The following PRKN variants were observed in gnomAD, a reference collection of about 807,000 sequenced individuals.
The protein encoded by PRKN is parkin RBR E3 ubiquitin protein ligase.
PRKN carries 56 observed loss-of-function variants against 59.5 expected under a neutral mutation model. The observed-to-expected ratio is 0.94, with a 90% confidence interval of 0.76 to 1.18. The LOEUF is 1.18. Among genes scored for constraint, PRKN ranks in the 50% most tolerant of loss-of-function variants. The pLI is 0.00. For missense variants in PRKN, 657 were observed against 596.4 expected, an observed-to-expected ratio of 1.10 and a Z score of -1.06; for synonymous variants, 250 against 222.1, an observed-to-expected ratio of 1.13 and a Z score of -1.12.
chr6:161,664,770 T>C (rs1784665439), intron 7 of PRKN, among the ~76,000 whole-genome samples: 2 of 150,130 alleles, frequency 1.3e-5, no homozygotes, highest in Admixed American at 6.7e-5. Context: ...GCTTATTTTA[T>C]TAAAAACAAC....
intron 5 of PRKN, among the ~76,000 whole-genome samples, chr6:161,980,318 C>A (rs1159316021): frequency 6.6e-6 from 1 of 152,170 alleles, no homozygotes; most frequent in African/African-American, 2.4e-5. Context: ...AAAAAACTAT[C>A]CTTCTCTTGA....
intron 7 of PRKN, among the ~76,000 whole-genome samples, chr6:161,628,710 G>A (rs1210478427): frequency 2.0e-5 from 3 of 152,148 alleles, no homozygotes; most frequent in South Asian, 4.1e-4. Context: ...CCAGAGCTGC[G>A]CCAGCTCTTA....
At chr6:162,229,694 C>T (rs1001854032) in intron 3 of PRKN, among the ~76,000 whole-genome samples, 49 of 152,138 alleles carry the variant, frequency 3.2e-4, no homozygotes, top group Non-Finnish European at 1.0e-4. Context: ...TTGCCATTCC[C>T]TCTTCCTTTC....
chr6:161,412,485 T>C (rs1475138390), intron 9 of PRKN, among the ~76,000 whole-genome samples: 4 of 150,838 alleles, frequency 2.7e-5, no homozygotes, highest in South Asian at 2.1e-4. Flanking sequence ...CACTCACTCA[T>C]TCCTTCCTCA....
chr6:161,477,245 C>T (rs941178519), intron 9 of PRKN, among the ~76,000 whole-genome samples: 14 of 152,108 alleles, frequency 9.2e-5, no homozygotes, highest in African/African-American at 2.2e-4. Flanking sequence ...TGGCCAGGCG[C>T]GGTGGCTCAC....
Position 161,423,569 on chromosome 6 carries a change from A to C in PRKN, c.1084-36692T>G, listed in dbSNP as rs1788199745. 6.6e-6 allele frequency among the ~76,000 whole-genome samples: 1 copy of C among 152,162 alleles called. No homozygotes were observed. The highest frequency in any genetic ancestry group is 1.5e-5 in the Non-Finnish European group (1 of 68,032). Reference sequence around the variant, plus strand: ...ATTTGGGGCCAATGACAAGCAAGACATTTACAGATTTAGATGACTTGTCAA... The same window carrying C: ...ATTTGGGGCCAATGACAAGCAAGACCTTTACAGATTTAGATGACTTGTCAA... On this transcript the variant is annotated intron_variant, in intron 9 of 11. Coordinates refer to ENST00000366898, the MANE Select transcript of PRKN (RefSeq NM_004562.3). The surrounding 1 kb of genome is among the most constrained non-coding windows in gnomAD (Gnocchi z 5.9).
rs187408691 is a variant in PRKN, at chr6:162,070,838, G to C, written c.535-16664C>G. Among the ~76,000 whole-genome samples, 159 of 152,208 alleles carry C rather than the reference G, an allele frequency of 1.0e-3. 1 individual carries two copies. Among genetic ancestry groups the C allele is most frequent in the African/African-American group, 3.7e-3 (152 of 41,546 alleles). On this transcript the variant is annotated intron_variant, in intron 4 of 11. Coordinates refer to ENST00000366898, the MANE Select transcript of PRKN (RefSeq NM_004562.3). The stretch of plus-strand genomic sequence containing the variant: ...GGGCTGTAATGCTCGCTCGCCTACT[G>C]CTTATCTCCTGCTGAGTGGCCTGGT...
At chr6:162,043,547 A>AAGGAG (rs1258595507) in intron 5 of PRKN, among the ~76,000 whole-genome samples, 1 of 152,226 alleles carries the variant, frequency 6.6e-6, no homozygotes, top group Non-Finnish European at 1.5e-5. Context: ...ATGGACATAG[A>AAGGAG]AGGAGAAGGA....
In PRKN at chr6:161,539,022, T is replaced by A. The variant is rs903585218; in HGVS notation, c.1083+9832A>T. On this transcript the variant is annotated intron_variant, in intron 9 of 11. Coordinates refer to ENST00000366898, the MANE Select transcript of PRKN (RefSeq NM_004562.3). ...TCTTCATCATGCCATGAGGCTAACA[T>A]GCGATGTTCTTGGCATGTGCTAGAC... Among the ~76,000 whole-genome samples, 57 of 152,170 alleles carry A rather than the reference T, an allele frequency of 3.7e-4. 1 individual carries two copies. The highest frequency in any genetic ancestry group is 8.8e-5 in the Non-Finnish European group (6 of 68,034).
chr6:162,069,663 G>A (rs1260308918), intron 4 of PRKN, among the ~76,000 whole-genome samples: 2 of 152,138 alleles, frequency 1.3e-5, no homozygotes, highest in African/African-American at 4.8e-5. Flanking sequence ...TCTGCAGAAA[G>A]AAATAGAAGT....
chr6:161,601,509 G>A (rs1782101388), intron 7 of PRKN, among the ~76,000 whole-genome samples: 1 of 151,926 alleles, frequency 6.6e-6, no homozygotes. Context: ...TAAGTATTTG[G>A]TAGAATTCAG....
chr6:162,314,543 G>C (rs1782666004), intron 2 of PRKN, among the ~76,000 whole-genome samples: 1 of 152,016 alleles, frequency 6.6e-6, no homozygotes, highest in South Asian at 2.1e-4. Flanking sequence ...ACATCCCCAG[G>C]AAGACTCATT....
intron 1 of PRKN, among the ~76,000 whole-genome samples, chr6:162,569,921 C>T (rs9365465): frequency 0.31 from 46,736 of 152,102 alleles, 7,641 homozygotes; most frequent in East Asian, 0.49. Flanking sequence ...AACAACTCAA[C>T]TGCTTTTATT....
chr6:161,836,950 T>C (rs1583227473), intron 6 of PRKN, among the ~76,000 whole-genome samples: 1 of 152,290 alleles, frequency 6.6e-6, no homozygotes, highest in Non-Finnish European at 1.5e-5. Context: ...TGGCTCACCT[T>C]GCAAGAGGGG....
chr6:162,576,631 G>A (rs1223220059), intron 1 of PRKN, among the ~76,000 whole-genome samples: 1 of 152,054 alleles, frequency 6.6e-6, no homozygotes, highest in African/African-American at 2.4e-5. Flanking sequence ...GACCAACATG[G>A]TGAAACCCTG....
chr6:162,210,919 T>C (rs377627639), intron 3 of PRKN, among the ~76,000 whole-genome samples: 29 of 152,322 alleles, frequency 1.9e-4, no homozygotes, highest in African/African-American at 5.8e-4. Context: ...CAAAATTTAA[T>C]ATGAATGGCA....
chr6:162,090,769 T>C (rs1247697039), intron 4 of PRKN, among the ~76,000 whole-genome samples: 1 of 152,216 alleles, frequency 6.6e-6, no homozygotes, highest in Non-Finnish European at 1.5e-5. Context: ...TGACATTTCC[T>C]ATCTAGAATG....
chr6:162,261,051 C>T (rs977691655), intron 3 of PRKN, among the ~76,000 whole-genome samples: 1 of 151,982 alleles, frequency 6.6e-6, no homozygotes, highest in African/African-American at 2.4e-5. Flanking sequence ...AAAGAGGTGC[C>T]TAAAATTCAG....
intron 1 of PRKN, among the ~76,000 whole-genome samples, chr6:162,713,131 T>C (rs1778597705): frequency 6.6e-6 from 1 of 152,128 alleles, no homozygotes; most frequent in African/African-American, 2.4e-5. Flanking sequence ...TTTCAAAAAG[T>C]AGAATCAATC....
Sources: allele counts gnomAD v4.1 joint callset (sites outside exome capture counted in the v4.1 genomes callset), GRCh38; gene constraint gnomAD v4.1.1; non-coding constraint Gnocchi (gnomAD v3.1); transcripts MANE v1.5; gene names NCBI Gene and HGNC (gene_info 2026-07-23, HGNC 2026-07-21).